Variants in PFKFB4 observed in about 807,000 individuals in gnomAD.
PFKFB4 encodes the protein 6-phosphofructo-2-kinase/fructose-2,6-bisphosphatase 4.
PFKFB4 carries 42 observed loss-of-function variants against 62.8 expected under a neutral mutation model. That is an observed-to-expected ratio of 0.67 (90% CI 0.52 to 0.86). The LOEUF (loss-of-function observed/expected upper bound fraction) is 0.86, where lower values mean the gene tolerates loss of function less well. PFKFB4 is among the 40% of genes least tolerant of loss of function. PFKFB4 has a pLI of 0.00. For missense variants in PFKFB4, 475 were observed against 627.2 expected (o/e 0.76, Z 2.59); for synonymous variants, 204 against 240.7 (o/e 0.85, Z 1.41).
chr3:48,553,077 A>G (rs530800700), intron 1 of PFKFB4, among the ~76,000 whole-genome samples: 41 of 152,362 alleles, frequency 2.7e-4, no homozygotes, highest in African/African-American at 9.9e-4. Flanking sequence ...AACACATTGC[A>G]GCTCTCAAAA....
chr3:48,556,824 C>T (rs2043340301), upstream of PFKFB4: 6 of 1,535,652 alleles, frequency 3.9e-6, no homozygotes, highest in South Asian at 4.8e-5. This position sits in a 1 kb window ranked among gnomAD's most constrained non-coding sequence, Gnocchi z 5.7. Flanking sequence ...ACCCAGCAGC[C>T]GGGCCACCTC....
intron 3 of PFKFB4, 102 bp downstream of exon 3, chr3:48,549,762 T>G (rs1446069274): frequency 2.6e-6 from 2 of 761,432 alleles, no homozygotes; most frequent in African/African-American, 1.7e-5. Flanking sequence ...CACCAGCAGC[T>G]CCACTCCAGG....
intron 2 of PFKFB4, 39 bp from the exon 3 acceptor site, chr3:48,549,999 A>C (rs1320288988): frequency 6.7e-7 from 1 of 1,487,876 alleles, no homozygotes. Flanking sequence ...CAGCAACAGC[A>C]ACCCCTACCA....
upstream of PFKFB4, among the ~76,000 whole-genome samples, chr3:48,558,105 T>C (rs2107615267): frequency 6.6e-6 from 1 of 152,362 alleles, no homozygotes; most frequent in Admixed American, 6.5e-5. Context: ...AAATACGTTA[T>C]GGTTGCCTTT....
chr3:48,562,188 T>A (rs1224912921), upstream of PFKFB4: 1 of 153,484 alleles, frequency 6.5e-6, no homozygotes, highest in South Asian at 2.0e-4. The surrounding 1 kb of genome is among the most constrained non-coding windows in gnomAD (Gnocchi z 4.3). Context: ...CGGGCCTTTG[T>A]GCCTGGAGAC....
At chr3:48,557,197 G>T (rs2043351031), upstream of PFKFB4, among the ~76,000 whole-genome samples, 2 of 152,242 alleles carry the variant, frequency 1.3e-5, no homozygotes, top group South Asian at 2.1e-4. Flanking sequence ...TCCCTGAGCA[G>T]CGGCACGCGT....
intron 3 of PFKFB4, among the ~76,000 whole-genome samples, chr3:48,544,529 C>T (rs1254660273): frequency 6.7e-6 from 1 of 150,138 alleles, no homozygotes; most frequent in African/African-American, 2.5e-5. Context: ...CTCACTGCAG[C>T]CCAAACTCCT....
At chr3:48,525,182 A>T (rs979088346) in intron 10 of PFKFB4, among the ~76,000 whole-genome samples, 2 of 152,096 alleles carry the variant, frequency 1.3e-5, no homozygotes, top group African/African-American at 4.8e-5. Flanking sequence ...CTGGCCTGGG[A>T]ATGCCAGGGG....
chr3:48,529,047 A>AT (rs1560155904), intron 9 of PFKFB4, among the ~76,000 whole-genome samples: 2 of 151,350 alleles, frequency 1.3e-5, no homozygotes, highest in African/African-American at 4.9e-5. Flanking sequence ...TTATTTATTT[A>AT]TTTTTTTAGA....
upstream of PFKFB4, among the ~76,000 whole-genome samples, chr3:48,557,646 C>T (rs943649471): frequency 6.6e-6 from 1 of 152,166 alleles, no homozygotes; most frequent in Non-Finnish European, 1.5e-5. Context: ...AAGGGATGCT[C>T]CTGCCTCGGG....
intron 9 of PFKFB4, among the ~76,000 whole-genome samples, chr3:48,526,909 C>T (rs1441009526): frequency 6.6e-6 from 1 of 151,272 alleles, no homozygotes; most frequent in South Asian, 2.1e-4. Flanking sequence ...CCACTGCACT[C>T]CAGCCTGGGT....
intron 13 of PFKFB4, among the ~76,000 whole-genome samples, chr3:48,520,185 G>A (rs188851307): frequency 1.3e-5 from 2 of 152,248 alleles, no homozygotes; most frequent in African/African-American, 2.4e-5. Context: ...ACTCCTGGGG[G>A]TGCCTCCTTC....
chr3:48,538,771 C>A, intron 6 of PFKFB4, 152 bp from the exon 7 acceptor site: 1 of 888,246 alleles, frequency 1.1e-6, no homozygotes, highest in East Asian at 2.7e-5. Context: ...GGGGCTGGTC[C>A]AGCAGCTCCC....
At chr3:48,560,999 T>A (rs1037485894), upstream of PFKFB4, 29 of 1,047,622 alleles carry the variant, frequency 2.8e-5, no homozygotes, top group Admixed American at 3.6e-4. Context: ...CACCCTGACT[T>A]CATCCAGGTC....
Position 48,520,288 on chromosome 3 carries a change from G to A in PFKFB4, c.1351-482C>T, listed in dbSNP as rs961064203. ...CAGCCTGGTCTGTCCCCTCAGAACT[G>A]GGGTACAGGGCCTCCTGAAGCCCTC... On this transcript the variant is annotated intron_variant, in intron 13 of 13. Coordinates refer to ENST00000232375, the MANE Select transcript of PFKFB4 (RefSeq NM_004567.4). Among the ~76,000 whole-genome samples the A allele has an allele frequency of 5.9e-5, 9 of 152,162 alleles. No individual in the cohort carries two copies. In the South Asian group the frequency reaches 6.2e-4, roughly 10 times the overall value.
Position 48,556,568 on chromosome 3 carries a change from C to T in PFKFB4, c.97+113G>A, listed in dbSNP as rs1181056848. ...CCCCAGTCACGGCAACCTCACCTGT[C>T]CCCGGTTCCCCATCTGTCTCCCGCC... is the stretch of plus-strand genomic sequence containing the variant. On this transcript the variant is annotated intron_variant, in intron 1 of 13. Coordinates refer to ENST00000232375, the MANE Select transcript of PFKFB4 (RefSeq NM_004567.4). The surrounding 1 kb of genome is among the most constrained non-coding windows in gnomAD (Gnocchi z 5.7). The T allele has an allele frequency of 1.6e-6, 2 of 1,275,378 alleles. No homozygotes were observed. The allele number at this position is 1,275,378 out of a possible 1,614,324, so 79.0% of individuals were successfully genotyped here. A position where few individuals can be genotyped will look rare whatever the true frequency, so the allele number is the denominator to read the frequency against.
In PFKFB4 at chr3:48,536,520, C is replaced by T. The variant is rs2042623255; in HGVS notation, c.633-57G>A. 2.8e-5 allele frequency: 39 copies of T among 1,381,714 alleles called. No individual in the cohort carries two copies. The South Asian group carries it at 4.7e-4, about 17-fold the overall frequency. 85.6% of individuals were successfully genotyped at this position (1,381,714 alleles called of 1,614,324 possible). A position where few individuals can be genotyped will look rare whatever the true frequency, so the allele number is the denominator to read the frequency against. On this transcript the variant is annotated intron_variant, in intron 7 of 13. Coordinates refer to ENST00000232375, the MANE Select transcript of PFKFB4 (RefSeq NM_004567.4). ...GAGCGTGGCCAGGGTTCTCACAGAG[C>T]ACATCTGGCTAGCCACGGAATCTAG...
chr3:48,538,769 T>A, intron 6 of PFKFB4, 150 bp from the exon 7 acceptor site: 3 of 903,936 alleles, frequency 3.3e-6, no homozygotes, highest in Non-Finnish European at 5.0e-6. Flanking sequence ...TGGGGGCTGG[T>A]CCAGCAGCTC....
intron 4 of PFKFB4, among the ~76,000 whole-genome samples, chr3:48,542,841 T>A (rs538572513): frequency 3.9e-5 from 6 of 152,174 alleles, no homozygotes; most frequent in African/African-American, 7.2e-5. Context: ...AAAAAGACAT[T>A]TCAGATGTGC....
Sources: gnomAD v4.1 joint callset for allele counts (sites outside exome capture counted in the v4.1 genomes callset) on GRCh38, gnomAD v4.1.1 for gene constraint, Gnocchi (gnomAD v3.1) non-coding constraint, MANE v1.5 for transcripts, NCBI Gene and HGNC (gene_info 2026-07-23, HGNC 2026-07-21) for gene names.